Variants in HERC2 observed in about 807,000 individuals in gnomAD.
HERC2 encodes HECT and RLD domain containing E3 ubiquitin protein ligase 2.
A neutral mutation model predicts 537.7 loss-of-function variants in HERC2; 102 were observed. The observed-to-expected ratio is 0.19, with a 90% CI of 0.16 to 0.22. The LOEUF is 0.22. Among genes scored for constraint, HERC2 ranks in the 10% least tolerant of loss-of-function variants. HERC2 has a pLI of 1.00. For synonymous variants in HERC2, 2,224 were observed against 2,466.2 expected (o/e 0.90, Z 2.91); for missense variants, 4,236 against 6,198.2 (o/e 0.68, Z 10.63).
chr15:28,124,046 G>C lies in HERC2; in HGVS notation c.13179C>G (p.Ser4393=). The C allele has an allele frequency of 6.3e-7, 1 of 1,584,990 alleles. No individual in the cohort carries two copies. The highest frequency in any genetic ancestry group is 8.6e-7 in the Non-Finnish European group (1 of 1,164,060). Residue 4393 remains serine (S), a synonymous_variant, in exon 85 of 93, where the codon TCC becomes TCG. Coordinates refer to ENST00000261609, the MANE Select transcript of HERC2 (RefSeq NM_004667.6). ...GFDTLRGILI[S]QGKEAAFRKV... ...ATTGCCACTTGAATACCTTTCCCTGGGATATCAGAATTCCTCGGAGAGTGT... is the reference window on the plus strand; with the variant it reads ...ATTGCCACTTGAATACCTTTCCCTGCGATATCAGAATTCCTCGGAGAGTGT...
chr15:28,112,993 A>G (rs1887813859), intron 92 of HERC2, 78 bp downstream of exon 92: 1 of 1,155,158 alleles, frequency 8.7e-7, no homozygotes, highest in Non-Finnish European at 1.3e-6. Context: ...CATGTGCTGC[A>G]GGACTGTGGG....
chr15:28,131,023 C>T (rs527242204), intron 81 of HERC2, among the ~76,000 whole-genome samples: 8 of 152,306 alleles, frequency 5.3e-5, no homozygotes, highest in African/African-American at 1.9e-4. Flanking sequence ...GCCAAAAGCA[C>T]TGGGCCCCAC....
intron 83 of HERC2, among the ~76,000 whole-genome samples, chr15:28,126,172 A>G (rs1889461251): frequency 6.6e-6 from 1 of 152,246 alleles, no homozygotes; most frequent in South Asian, 2.1e-4. Context: ...TGTGGTGAAA[A>G]GGGAACACTT....
At chr15:28,163,400 G>T in intron 68 of HERC2, 115 bp from the exon 69 acceptor site, 1 of 911,938 alleles carries the variant, frequency 1.1e-6, no homozygotes, top group Non-Finnish European at 1.7e-6. Context: ...TAAGAAACCT[G>T]AAGGTGTTTA....
rs779514776 is a variant in HERC2 at position 28,304,165 on chromosome 15, CAAAAAAAAAAAAAA to C, written c.73-4663_73-4650del. On this transcript the variant is annotated intron_variant, in intron 2 of 92. Transcript: ENST00000261609. ...TGGGCCACAGAGTGAGACTCCATCT[CAAAAAAAAAAAAAA>C]AAAAAAAAAAAAACAGAGAAATGCT... Among the ~76,000 whole-genome samples the C allele has an allele frequency of 7.8e-4, 50 of 63,820 alleles. No homozygotes were observed. The East Asian group carries it at 0.015, about 19-fold the overall frequency. The allele number at this position is 63,820 out of a possible 152,430, so 41.9% of individuals were successfully genotyped here.
At chr15:28,246,335 T>C (rs1156353123) in intron 22 of HERC2, among the ~76,000 whole-genome samples, 1 of 152,178 alleles carries the variant, frequency 6.6e-6, no homozygotes, top group Admixed American at 6.5e-5. Context: ...TAAATGTTTA[T>C]TGATATGTTT....
At chr15:28,195,468 A>G (rs1436282675) in intron 52 of HERC2, among the ~76,000 whole-genome samples, 1 of 152,206 alleles carries the variant, frequency 6.6e-6, no homozygotes, top group Admixed American at 6.5e-5. Flanking sequence ...CTCACAAAGA[A>G]AAAAAGTGAT....
chr15:28,292,674 G>T (rs1036435232), intron 4 of HERC2, among the ~76,000 whole-genome samples: 3 of 152,056 alleles, frequency 2.0e-5, no homozygotes, highest in African/African-American at 7.2e-5. Context: ...TGATGGCTGG[G>T]CAACAATGTG....
chr15:28,132,840 A>T lies in HERC2; in HGVS notation c.12231-10T>A, dbSNP rs908824889. 1.3e-6 allele frequency: 2 copies of T among 1,526,712 alleles called. No individual in the cohort carries two copies. The highest frequency in any genetic ancestry group is 4.3e-5 in the Admixed American group (2 of 46,432). 94.6% of individuals were successfully genotyped at this position (1,526,712 alleles called of 1,614,324 possible). A position where few individuals can be genotyped will look rare whatever the true frequency, so the allele number is the denominator to read the frequency against. ...AGGGCGGTCACACGGACTGCAAAAA[A>T]GTCACCAAATATAATGGAAACACAT... On this transcript the variant is annotated splice_polypyrimidine_tract_variant and intron_variant, in intron 79 of 92. Coordinates refer to ENST00000261609, the MANE Select transcript of HERC2 (RefSeq NM_004667.6).
intron 50 of HERC2, 98 bp from the exon 51 acceptor site, chr15:28,196,667 A>AT (rs200605638): frequency 2.2e-3 from 1,339 of 621,434 alleles, no homozygotes; most frequent in Non-Finnish European, 2.9e-3. Flanking sequence ...CATTGTAGTT[A>AT]TTTGTTTTTT....
chr15:28,249,900 C>A (rs1453598548), intron 20 of HERC2, among the ~76,000 whole-genome samples: 1 of 151,768 alleles, frequency 6.6e-6, no homozygotes, highest in Non-Finnish European at 1.5e-5. Flanking sequence ...CGTGATTCAC[C>A]CGCCTCAGCC....
In HERC2 at chr15:28,196,575, A is replaced by G. The variant is rs752702383; in HGVS notation, c.8012-6T>C. On this transcript the variant is annotated splice_polypyrimidine_tract_variant and splice_region_variant and intron_variant, in intron 50 of 92. Transcript: ENST00000261609. The stretch of plus-strand genomic sequence containing the variant: ...TTTTCCATTGGCACTGAAAGCTAGG[A>G]CAGAACAGAAATCACCTGATCCATC... The G allele has an allele frequency of 6.4e-7, 1 of 1,568,370 alleles. No homozygotes were observed. Among genetic ancestry groups the G allele is most frequent in the Non-Finnish European group, 8.8e-7 (1 of 1,139,300 alleles).
At chr15:28,244,316 C>T (rs1249602604) in intron 23 of HERC2, among the ~76,000 whole-genome samples, 1 of 152,158 alleles carries the variant, frequency 6.6e-6, no homozygotes, top group East Asian at 1.9e-4. Context: ...GGGTGAAGCT[C>T]AGAAACCAAA....
chr15:28,280,024 T>C, intron 5 of HERC2, 44 bp downstream of exon 5: 1 of 1,462,162 alleles, frequency 6.8e-7, no homozygotes, highest in South Asian at 1.2e-5. Context: ...GTCTGAATTT[T>C]ATATTTAACT....
At chr15:28,204,443 A>T (rs993015089) in intron 45 of HERC2, among the ~76,000 whole-genome samples, 1 of 152,088 alleles carries the variant, frequency 6.6e-6, no homozygotes, top group African/African-American at 2.4e-5. Context: ...AACATGGTAA[A>T]ACCCCATCTC....
intron 86 of HERC2, 79 bp from the exon 87 acceptor site, chr15:28,117,233 A>C: frequency 7.1e-7 from 1 of 1,417,076 alleles, no homozygotes; most frequent in East Asian, 2.3e-5. Flanking sequence ...GGCACTGGCG[A>C]ATGCACGAGG....
At chr15:28,299,109 T>C (rs1050115867) in intron 3 of HERC2, among the ~76,000 whole-genome samples, 3 of 152,150 alleles carry the variant, frequency 2.0e-5, no homozygotes, top group African/African-American at 7.2e-5. Context: ...GATTGTTCAA[T>C]GGCATTTCCT....
chr15:28,207,691 G>A (rs947016453), intron 44 of HERC2, among the ~76,000 whole-genome samples: 2 of 151,972 alleles, frequency 1.3e-5, no homozygotes, highest in African/African-American at 2.4e-5. Context: ...ACACATCTAG[G>A]TACTCATCCA....
In HERC2 at chr15:28,170,661, T is replaced by C. The variant is rs200469818; in HGVS notation, c.10058-1006A>G. Among the ~76,000 whole-genome samples the C allele has an allele frequency of 2.6e-5, 4 of 152,288 alleles. No homozygotes were observed. The East Asian group carries it at 7.7e-4, about 29-fold the overall frequency. The stretch of plus-strand genomic sequence containing the variant: ...TCTATAAAAGAAAAACCTGATGAAT[T>C]AGACTTCATCAAAATTAAACACTTT... On this transcript the variant is annotated intron_variant, in intron 65 of 92. Transcript: ENST00000261609.
Sources: gnomAD v4.1 joint callset for allele counts (sites outside exome capture counted in the v4.1 genomes callset) on GRCh38, gnomAD v4.1.1 for gene constraint, MANE v1.5 for transcripts, NCBI Gene and HGNC (gene_info 2026-07-23, HGNC 2026-07-21) for gene names.